The following MAMLD1 variants were observed in gnomAD, a reference collection of about 807,000 sequenced individuals.
MAMLD1 encodes mastermind like domain containing 1, also known as mastermind-like domain-containing protein 1.
MAMLD1 carries 14 observed loss-of-function variants against 45.0 expected under a neutral mutation model. The observed-to-expected ratio is 0.31, with a 90% confidence interval of 0.21 to 0.49. MAMLD1 has a LOEUF of 0.49. Among genes scored for constraint, MAMLD1 ranks in the 20% least tolerant of loss-of-function variants. The pLI is 0.99. For synonymous variants in MAMLD1, 254 were observed against 247.8 expected, an observed-to-expected ratio of 1.02 and a Z score of -0.24; for missense variants, 543 against 603.6, an observed-to-expected ratio of 0.90 and a Z score of 1.05.
upstream of MAMLD1, among the ~76,000 whole-genome samples, chrX:150,362,198 A>C (rs1207249939): frequency 9.0e-6 from 1 of 111,234 alleles, no homozygotes; most frequent in African/African-American, 3.3e-5. Context: ...GGCGCTACCC[A>C]CCCAGCAGCC....
chrX:150,463,998 T>G (rs942543380), intron 3 of MAMLD1, among the ~76,000 whole-genome samples: 1 of 112,183 alleles, frequency 8.9e-6, no homozygotes, highest in African/African-American at 3.2e-5. Context: ...ATATCAGTAG[T>G]GATTACTGCT....
intron 1 of MAMLD1, among the ~76,000 whole-genome samples, chrX:150,373,461 C>T (rs949429996): frequency 2.5e-5 from 2 of 78,774 alleles, no homozygotes; most frequent in African/African-American, 4.9e-5. Context: ...AGCTCTCTCT[C>T]TCTCTCACAC....
chrX:150,501,859 T>G (rs782615106), intron 5 of MAMLD1, among the ~76,000 whole-genome samples: 1 of 112,323 alleles, frequency 8.9e-6, no homozygotes, highest in Admixed American at 9.4e-5. Flanking sequence ...CATGCACACC[T>G]CCACACCAAT....
chrX:150,488,847 G>A (rs1300171670), intron 5 of MAMLD1, among the ~76,000 whole-genome samples: 1 of 113,079 alleles, frequency 8.8e-6, no homozygotes, highest in East Asian at 2.8e-4. Context: ...ATGAGGGAGA[G>A]AGAAGTATGG....
chrX:150,405,759 T>C (rs1250019843), intron 1 of MAMLD1, among the ~76,000 whole-genome samples: 3 of 111,659 alleles, frequency 2.7e-5, no homozygotes, highest in African/African-American at 9.8e-5. Context: ...CGAGGCTTAA[T>C]ATCAGCGAAT....
At chrX:150,436,056 A>T (rs782081414) in intron 1 of MAMLD1, among the ~76,000 whole-genome samples, 1 of 111,941 alleles carries the variant, frequency 8.9e-6, no homozygotes, top group Non-Finnish European at 1.9e-5. Context: ...AATCTTTTCT[A>T]GCATGTAGGG....
chrX:150,463,388 C>T (rs1236759877), intron 3 of MAMLD1, among the ~76,000 whole-genome samples: 2 of 112,098 alleles, frequency 1.8e-5, no homozygotes, highest in Non-Finnish European at 3.8e-5. Context: ...TGGGTGTGAG[C>T]AGCCCGTCTT....
rs144557184 is a variant in MAMLD1 at position 150,407,836 on chromosome X, T to G, written c.-63-37618T>G. ...AACATTCTGGCACTCTGTTAGCACA[T>G]AGAGGTTAGTTTAGCCACAATAATT... On this transcript the variant is annotated intron_variant, in intron 1 of 7. Coordinates refer to ENST00000370401, the MANE Select transcript of MAMLD1 (RefSeq NM_005491.5). Among the ~76,000 whole-genome samples, 337 of 112,617 alleles carry G rather than the reference T, an allele frequency of 3.0e-3. 11 individuals are homozygous for G. The East Asian group carries it at 0.075, about 25-fold the overall frequency.
Position 150,379,819 on chromosome X carries a change from T to G in MAMLD1, c.-64+16289T>G, listed in dbSNP as rs142871139. Among the ~76,000 whole-genome samples, 744 of 112,250 alleles carry G rather than the reference T, an allele frequency of 6.6e-3. 6 individuals carry two copies. Among genetic ancestry groups the G allele is most frequent in the African/African-American group, 0.023 (713 of 30,886 alleles). ...ACTCTTTTGAGCTTTGCTTGTTCAC[T>G]CAAACGCATGTCCCAGAAATCACTC... On this transcript the variant is annotated intron_variant, in intron 1 of 7. Coordinates refer to ENST00000370401, the MANE Select transcript of MAMLD1 (RefSeq NM_005491.5).
intron 6 of MAMLD1, among the ~76,000 whole-genome samples, chrX:150,508,696 G>T (rs1670260276): frequency 8.9e-6 from 1 of 112,638 alleles, no homozygotes; most frequent in East Asian, 2.8e-4. Context: ...TGCAGAGAAG[G>T]GTTCCCAGAA....
chrX:150,373,609 G>A (rs782377274), intron 1 of MAMLD1, among the ~76,000 whole-genome samples: 14 of 111,729 alleles, frequency 1.3e-4, no homozygotes, highest in African/African-American at 4.6e-4. Context: ...AGGCTCACTG[G>A]CATTTTCAGC....
chrX:150,402,935 G>T (rs1288517704), intron 1 of MAMLD1, among the ~76,000 whole-genome samples: 1 of 110,308 alleles, frequency 9.1e-6, no homozygotes, highest in Non-Finnish European at 1.9e-5. Context: ...GGTGGGGGGA[G>T]GAAGGAGGGA....
intron 2 of MAMLD1, among the ~76,000 whole-genome samples, chrX:150,446,660 G>T (rs193246115): frequency 2.7e-5 from 3 of 112,552 alleles, no homozygotes; most frequent in African/African-American, 9.7e-5. Flanking sequence ...GCACTCCCCA[G>T]CTCTCACAGA....
At position 150,472,737 on chromosome X, in the gene MAMLD1, C is replaced by T. The variant is rs782360867; in HGVS notation, c.1918-943C>T. 3.6e-5 allele frequency among the ~76,000 whole-genome samples: 4 copies of T among 112,017 alleles called. No individual in the cohort carries two copies. In the South Asian group the frequency reaches 1.5e-3, roughly 42 times the overall value. ...CTCTATGACCTGGTCTAGAAAGTAA[C>T]ATCCCACCACTTTTGCTGTATTCTA... On this transcript the variant is annotated intron_variant, in intron 4 of 7. Coordinates refer to ENST00000370401, the MANE Select transcript of MAMLD1 (RefSeq NM_005491.5).
At chrX:150,381,299 C>G (rs2032596259) in intron 1 of MAMLD1, among the ~76,000 whole-genome samples, 1 of 112,163 alleles carries the variant, frequency 8.9e-6, no homozygotes, top group Non-Finnish European at 1.9e-5. Flanking sequence ...TTACCCTTCA[C>G]CCAGTTCACA....
In MAMLD1 at chrX:150,505,467, C is replaced by G. The variant is rs782334113; in HGVS notation, c.2284+1950C>G. 6.5e-4 allele frequency among the ~76,000 whole-genome samples: 73 copies of G among 112,268 alleles called. No homozygotes were observed. In the South Asian group the frequency reaches 0.026, roughly 40 times the overall value. ...GCCTGGCCCATAGTAGACCCATGAC[C>G]ATGTTTGTTAACTGAGTGACAGAGG... On this transcript the variant is annotated intron_variant, in intron 6 of 7. Transcript: ENST00000370401.
intron 1 of MAMLD1, among the ~76,000 whole-genome samples, chrX:150,435,286 C>T (rs971254277): frequency 6.3e-5 from 7 of 111,216 alleles, no homozygotes; most frequent in African/African-American, 2.0e-4. Flanking sequence ...GAGGCCAAGG[C>T]GGGTGGATCA....
intron 2 of MAMLD1, among the ~76,000 whole-genome samples, chrX:150,446,684 T>G (rs188997222): frequency 2.7e-4 from 30 of 112,591 alleles, no homozygotes; most frequent in Admixed American, 1.9e-4. Context: ...TGCAGTCAGG[T>G]GGGATGGCAG....
intron 6 of MAMLD1, chrX:150,504,601 C>A: frequency 1.9e-6 from 1 of 530,798 alleles, no homozygotes; most frequent in Non-Finnish European, 2.3e-6. Flanking sequence ...ATTAGCAAAA[C>A]GGACGTCGTC....
Sources: gnomAD v4.1 joint callset for allele counts (sites outside exome capture counted in the v4.1 genomes callset) on GRCh38, gnomAD v4.1.1 for gene constraint, MANE v1.5 for transcripts, NCBI Gene and HGNC (gene_info 2026-07-23, HGNC 2026-07-21) for gene names.